Variants in NPC1L1 observed in about 807,000 individuals in gnomAD.
NPC1L1 encodes the protein NPC1 like intracellular cholesterol transporter 1.
In NPC1L1, 98 loss-of-function variants were observed where a neutral mutation model predicts 117.0. That is an observed-to-expected ratio of 0.84 (90% CI 0.71 to 0.99). The LOEUF (loss-of-function observed/expected upper bound fraction) is 0.99. Among genes scored for constraint, NPC1L1 ranks in the 50% least tolerant of loss-of-function variants. The pLI is 0.00. For missense variants in NPC1L1, 1,540 were observed against 1,710.0 expected (o/e 0.90, Z 1.75); for synonymous variants, 729 against 727.6 (o/e 1.00, Z -0.03).
In NPC1L1 at chr7:44,536,045, G is replaced by T; in HGVS notation, c.1855-77C>A. 6.2e-7 allele frequency: 1 copy of T among 1,607,390 alleles called. No homozygotes were observed. The highest frequency in any genetic ancestry group is 8.5e-7 in the Non-Finnish European group (1 of 1,176,602). On this transcript the variant is annotated intron_variant, in intron 4 of 18. Transcript: ENST00000381160. The surrounding 1 kb of genome is among the most constrained non-coding windows in gnomAD (Gnocchi z 4.7). ...GCCAGCTCTCAATAGCTCGGTCACT[G>T]GGCACTAATTGTGTGTTGTGTCATA...
rs1244083987 is a variant in NPC1L1 at position 44,536,965 on chromosome 7, G to A, written c.1581-23C>T. The A allele has an allele frequency of 1.9e-6, 3 of 1,604,422 alleles. No homozygotes were observed. Among genetic ancestry groups the A allele is most frequent in the Non-Finnish European group, 1.7e-6 (2 of 1,172,538 alleles). ...GCACTAGAGGGAGATGACCGCAAAG[G>A]GAAAGGGCCTTTCCTGGCCCTGCCC... On this transcript the variant is annotated intron_variant, in intron 2 of 18. Coordinates refer to ENST00000381160, the MANE Select transcript of NPC1L1 (RefSeq NM_001101648.2). This position sits in a 1 kb window ranked among gnomAD's most constrained non-coding sequence, Gnocchi z 4.7.
intron 8 of NPC1L1, 82 bp from the exon 9 acceptor site, chr7:44,532,299 A>T: frequency 6.3e-7 from 1 of 1,580,436 alleles, no homozygotes; most frequent in Non-Finnish European, 8.7e-7. Flanking sequence ...AGGGAGTGTC[A>T]CCTTCTGTGG....
intron 10 of NPC1L1, among the ~76,000 whole-genome samples, chr7:44,526,769 A>C (rs1801529957): frequency 1.3e-5 from 2 of 152,124 alleles, no homozygotes; most frequent in South Asian, 4.1e-4. Context: ...CACACCTGTA[A>C]TCCTAGCACT....
In NPC1L1 at chr7:44,513,093, G is replaced by A. The variant is rs931931565; in HGVS notation, c.*354C>T. 1 of 370,660 alleles carries A rather than the reference G, an allele frequency of 2.7e-6. No individual in the cohort carries two copies. Among genetic ancestry groups the A allele is most frequent in the Non-Finnish European group, 5.2e-6 (1 of 192,210 alleles). 23.0% of individuals were successfully genotyped at this position (370,660 alleles called of 1,614,324 possible). On this transcript the variant is annotated 3_prime_UTR_variant, in exon 19 of 19. Coordinates refer to ENST00000381160, the MANE Select transcript of NPC1L1 (RefSeq NM_001101648.2). ...TGACACAGAATTAAGACTTTCGAGAGAGGAACTGAGAAGGGAAAAGTTGGA... is the reference window on the plus strand; with the variant it reads ...TGACACAGAATTAAGACTTTCGAGAAAGGAACTGAGAAGGGAAAAGTTGGA...
intron 10 of NPC1L1, 129 bp downstream of exon 10, chr7:44,531,626 A>G (rs1801702137): frequency 1.3e-6 from 1 of 765,694 alleles, no homozygotes; most frequent in Non-Finnish European, 2.2e-6. Context: ...AGGTGCCTCC[A>G]GAGTAATGAA....
At chr7:44,526,546 C>CAAAAAAAAAAAAAAAAAAAA (rs372498105) in intron 10 of NPC1L1, among the ~76,000 whole-genome samples, 1 of 68,352 alleles carries the variant, frequency 1.5e-5, no homozygotes, top group African/African-American at 6.9e-5. Flanking sequence ...GACTCCATCT[C>CAAAAAAAAAAAAAAAAAAAA]AAAAAAAAAA....
intron 10 of NPC1L1, among the ~76,000 whole-genome samples, chr7:44,524,091 A>G (rs1801437836): frequency 6.6e-6 from 1 of 152,176 alleles, no homozygotes; most frequent in Admixed American, 6.5e-5. Flanking sequence ...CCTTTTGGGA[A>G]CCATACATAT....
chr7:44,526,479 G>A (rs574157479), intron 10 of NPC1L1, among the ~76,000 whole-genome samples: 7 of 148,734 alleles, frequency 4.7e-5, no homozygotes, highest in African/African-American at 1.8e-4. Flanking sequence ...AACCTGGGAG[G>A]TGGAGGTTGC....
At chr7:44,523,588 G>T (rs1801424027) in intron 10 of NPC1L1, among the ~76,000 whole-genome samples, 1 of 152,182 alleles carries the variant, frequency 6.6e-6, no homozygotes, top group African/African-American at 2.4e-5. Flanking sequence ...AATATCAGCT[G>T]GGCATGATGG....
Position 44,536,137 on chromosome 7 carries a change from G to T in NPC1L1, c.1854+119C>A. The T allele has an allele frequency of 6.5e-7, 1 of 1,549,896 alleles. No homozygotes were observed. The highest frequency in any genetic ancestry group is 1.1e-5 in the South Asian group (1 of 89,216). On this transcript the variant is annotated intron_variant, in intron 4 of 18. Coordinates refer to ENST00000381160, the MANE Select transcript of NPC1L1 (RefSeq NM_001101648.2). The surrounding 1 kb of genome is among the most constrained non-coding windows in gnomAD (Gnocchi z 4.7). ...ACAGCCATCACAATCACCCCGTTCTGAGCAGGCAGCCACTGCCCAGGGTCA... is the reference window on the plus strand; with the variant it reads ...ACAGCCATCACAATCACCCCGTTCTTAGCAGGCAGCCACTGCCCAGGGTCA...
chr7:44,518,665 G>A lies in NPC1L1; in HGVS notation c.3137-1308C>T, dbSNP rs1801261296. 2.7e-6 allele frequency: 3 copies of A among 1,124,538 alleles called. No individual in the cohort carries two copies. The Admixed American group carries it at 7.8e-5, about 29-fold the overall frequency. The allele number at this position is 1,124,538 out of a possible 1,614,324, so 69.7% of individuals were successfully genotyped here. A position where few individuals can be genotyped will look rare whatever the true frequency, so the allele number is the denominator to read the frequency against. ...GCCTGGGTGACAGAATGGCAACTGT[G>A]TCTCAAAAAAAAAAAAAAAGTTATT... On this transcript the variant is annotated intron_variant, in intron 14 of 18. Coordinates refer to ENST00000381160, the MANE Select transcript of NPC1L1 (RefSeq NM_001101648.2).
At chr7:44,533,328 C>T in intron 8 of NPC1L1, 103 bp downstream of exon 8, 1 of 1,418,390 alleles carries the variant, frequency 7.1e-7, no homozygotes, top group Non-Finnish European at 9.9e-7. Flanking sequence ...CTGTCCCCCA[C>T]CCCATTCTCT....
chr7:44,539,517 CAG>C lies in NPC1L1; in HGVS notation c.878_879del (p.Ser293CysfsTer34). 6.2e-7 allele frequency: 1 copy of C among 1,613,502 alleles called. No individual in the cohort carries two copies. The highest frequency in any genetic ancestry group is 8.5e-7 in the Non-Finnish European group (1 of 1,179,552). On this transcript the variant is annotated frameshift_variant, in exon 2 of 19. Transcript: ENST00000381160. LOFTEE classifies it high-confidence loss of function. The surrounding 1 kb of genome is among the most constrained non-coding windows in gnomAD (Gnocchi z 4.4). ...AGCAGGATGGTGACCACAGCGAAGA[CAG>C]AGCAGAGGATGATGATGAGGACCAG... ...GSLVLIIILC[S>X]VFAVVTILLV...
In NPC1L1 at chr7:44,513,154, G is replaced by A; in HGVS notation, c.*293C>T. 2.1e-6 allele frequency: 1 copy of A among 470,096 alleles called. No homozygotes were observed. The allele number at this position is 470,096 out of a possible 1,614,324, so 29.1% of individuals were successfully genotyped here. A position where few individuals can be genotyped will look rare whatever the true frequency, so the allele number is the denominator to read the frequency against. ...GCTCCTAGGAAAGTGAGTGAGTGTG[G>A]GACAAACATGGAGTGTGTCTGTTCC... On this transcript the variant is annotated 3_prime_UTR_variant, in exon 19 of 19. Transcript: ENST00000381160.
chr7:44,521,771 G>A lies in NPC1L1; in HGVS notation c.2894C>T (p.Ser965Phe), dbSNP rs767278488. The A allele has an allele frequency of 3.7e-6, 6 of 1,614,080 alleles. No individual in the cohort carries two copies. In the African/African-American group the frequency reaches 8.0e-5, roughly 22 times the overall value. ...GCCAGATATATAAAGGCGGCAGCAG[G>A]AGGACGGGGTCAGCCAGTCAATGAA... ...DDFIDWLTPS[S>F]CCRLYISGPN... Residue 965 changes from serine (S) to phenylalanine (F), a missense_variant, in exon 12 of 19, where the codon TCC becomes TTC. Physicochemically the swap from Ser to Phe is radical, Grantham distance 155. Transcript: ENST00000381160.
In NPC1L1 at chr7:44,539,254, C is replaced by A; in HGVS notation, c.1143G>T (p.Glu381Asp). The A allele has an allele frequency of 6.2e-7, 1 of 1,614,104 alleles. No individual in the cohort carries two copies. The highest frequency in any genetic ancestry group is 8.5e-7 in the Non-Finnish European group (1 of 1,180,042). The change falls in exon 2 of 19, where the codon GAG (glutamate) becomes GAT (aspartate). Residue 381 changes from glutamate to aspartate, a missense_variant. Around this residue, in one of 3 missense-constraint regions of NPC1L1, gnomAD observed 793 missense variants for 820.4 expected, o/e 0.97. Coordinates refer to ENST00000381160, the MANE Select transcript of NPC1L1 (RefSeq NM_001101648.2). This position sits in a 1 kb window ranked among gnomAD's most constrained non-coding sequence, Gnocchi z 4.4. ...CTTGGCTGTTGGGGGCCGACCACAG[C>A]TCCACGGGGTCCGTAGTGAGTTCTG... The part of the protein sequence containing the change: ...VFTELTTDPV[E>D]LWSAPNSQAR...
chr7:44,521,638 C>T (rs1801355529), intron 12 of NPC1L1, 74 bp downstream of exon 12: 3 of 1,610,236 alleles, frequency 1.9e-6, no homozygotes, highest in East Asian at 2.2e-5. Context: ...GGAGCCTCTC[C>T]AGTCCTCTCC....
chr7:44,521,872 G>C, intron 11 of NPC1L1, 36 bp from the exon 12 acceptor site: 2 of 1,613,386 alleles, frequency 1.2e-6, no homozygotes, highest in Non-Finnish European at 1.7e-6. Flanking sequence ...GAAAAGGCCA[G>C]CTGGGCAGGG....
Position 44,533,475 on chromosome 7 carries a change from A to T in NPC1L1, c.2365T>A (p.Ser789Thr), listed in dbSNP as rs749511617. The T allele has an allele frequency of 1.2e-6, 2 of 1,614,148 alleles. No homozygotes were observed. Among genetic ancestry groups the T allele is most frequent in the South Asian group, 2.2e-5 (2 of 91,084 alleles). Residue 789 changes from serine (S) to threonine (T), a missense_variant, in exon 8 of 19, where the codon TCA becomes ACA. Ser to Thr is a moderately conservative substitution (Grantham distance 58). Coordinates refer to ENST00000381160, the MANE Select transcript of NPC1L1 (RefSeq NM_001101648.2). ...AGGGAGAGCAGGGCCACAAAGGCTG[A>T]CATCTGCAGGAGGAAGTCAAGGATC... ...AVILDFLLQM[S>T]AFVALLSLDS...
Sources: gnomAD v4.1 joint callset for allele counts (sites outside exome capture counted in the v4.1 genomes callset) on GRCh38, gnomAD v4.1.1 for gene constraint, gnomAD v4.1.1 regional missense constraint, Gnocchi (gnomAD v3.1) non-coding constraint, MANE v1.5 for transcripts, NCBI Gene and HGNC (gene_info 2026-07-23, HGNC 2026-07-21) for gene names.